TVP23A: variants seen among roughly 807,000 people sequenced by gnomAD.
TVP23A encodes trans-golgi network vesicle protein 23 homolog A.
A neutral mutation model predicts 31.7 loss-of-function variants in TVP23A; 21 were observed. That is an observed-to-expected ratio of 0.66 (90% CI 0.47 to 0.95). The LOEUF is 0.95. TVP23A is among the 40% of genes least tolerant of loss of function. The pLI is 0.00. For synonymous variants in TVP23A, 104 were observed against 96.0 expected, an observed-to-expected ratio of 1.08 and a Z score of -0.49; for missense variants, 279 against 255.6, an observed-to-expected ratio of 1.09 and a Z score of -0.62.
At chr16:10,805,348 A>T (rs2033894692) in intron 2 of TVP23A, among the ~76,000 whole-genome samples, 1 of 151,966 alleles carries the variant, frequency 6.6e-6, no homozygotes, top group African/African-American at 2.4e-5. Context: ...GATCTTTTCT[A>T]ATTTTAAATT....
chr16:10,765,932 A>G (rs2030807461), downstream of TVP23A: 1 of 152,268 alleles, frequency 6.6e-6, no homozygotes, highest in African/African-American at 2.4e-5. The surrounding 1 kb of genome is among the most constrained non-coding windows in gnomAD (Gnocchi z 4.0). Context: ...GCCAGAAAGG[A>G]AGGGGTGGTT....
At chr16:10,761,031 G>A (rs1596463322), downstream of TVP23A, 3 of 221,734 alleles carry the variant, frequency 1.4e-5, no homozygotes, top group East Asian at 3.5e-4. Context: ...TGGCAGCAGT[G>A]AGAGAGAGAG....
At chr16:10,789,970 T>C (rs1391344724) in intron 2 of TVP23A, among the ~76,000 whole-genome samples, 1 of 152,096 alleles carries the variant, frequency 6.6e-6, no homozygotes, top group Non-Finnish European at 1.5e-5. Context: ...TGGTTGACAA[T>C]TGGTTGAGTC....
chr16:10,761,886 C>G, downstream of TVP23A: 1 of 1,564,430 alleles, frequency 6.4e-7, no homozygotes, highest in South Asian at 1.1e-5. Flanking sequence ...TGGGGCGGCA[C>G]CTCACTCCTC....
At chr16:10,811,903 C>CA (rs763108313) in intron 2 of TVP23A, among the ~76,000 whole-genome samples, 1,428 of 41,740 alleles carry the variant, frequency 0.034, 26 homozygotes, top group Middle Eastern at 0.044. Flanking sequence ...GACTCCGTCT[C>CA]AAAAAAAAAA....
downstream of TVP23A, among the ~76,000 whole-genome samples, chr16:10,764,307 A>G (rs1461552449): frequency 2.0e-5 from 3 of 152,004 alleles, no homozygotes; most frequent in Non-Finnish European, 4.4e-5. Context: ...GTATTTGTCT[A>G]TTGGAGCATC....
rs112354926 is a variant in TVP23A, at chr16:10,803,557, A to C, written c.89+14546T>G. On this transcript the variant is annotated intron_variant, in intron 2 of 7. Transcript: ENST00000299866. ...AAACAGAGTCACAATCAAAATATTC[A>C]ACAACTGATATGGGATGACCACTGT... Among the ~76,000 whole-genome samples the C allele has an allele frequency of 8.9e-3, 1,358 of 152,200 alleles. 25 individuals are homozygous for C. Among genetic ancestry groups the C allele is most frequent in the African/African-American group, 0.031 (1,284 of 41,516 alleles).
At chr16:10,785,312 G>A (rs148989245) in intron 2 of TVP23A, among the ~76,000 whole-genome samples, 4,956 of 151,960 alleles carry the variant, frequency 0.033, 122 homozygotes, top group African/African-American at 0.067. Context: ...GCTGAGGCAC[G>A]AGAATCGCTT....
intron 5 of TVP23A, among the ~76,000 whole-genome samples, chr16:10,772,659 T>G (rs2031716290): frequency 6.6e-6 from 1 of 152,202 alleles, no homozygotes; most frequent in Middle Eastern, 3.4e-3. Flanking sequence ...TGTGAGGTAC[T>G]GTGCCAGCCT....
chr16:10,775,586 CTA>C, intron 2 of TVP23A: 3 of 990,740 alleles, frequency 3.0e-6, no homozygotes, highest in Non-Finnish European at 2.4e-6. Context: ...AATGGCAGGT[CTA>C]ACTCATCATA....
chr16:10,780,060 C>A (rs1036312672), intron 2 of TVP23A, among the ~76,000 whole-genome samples: 2 of 152,020 alleles, frequency 1.3e-5, no homozygotes, highest in Non-Finnish European at 2.9e-5. Flanking sequence ...TGGACTCCAG[C>A]CTGGGCGACA....
intron 2 of TVP23A, among the ~76,000 whole-genome samples, chr16:10,787,288 C>T (rs1567293461): frequency 6.6e-6 from 1 of 152,202 alleles, no homozygotes; most frequent in South Asian, 2.1e-4. Flanking sequence ...TAATGAAAAG[C>T]AGCCCCAAAA....
intron 8 of TVP23A, chr16:10,761,643 G>T: frequency 1.0e-6 from 1 of 1,000,720 alleles, no homozygotes. Flanking sequence ...AGGTGTTAAG[G>T]GTTCCACATT....
chr16:10,782,795 C>T (rs753043030), intron 2 of TVP23A, among the ~76,000 whole-genome samples: 5 of 152,186 alleles, frequency 3.3e-5, no homozygotes, highest in Non-Finnish European at 5.9e-5. Context: ...TGAGCCACTG[C>T]GCCCAGCCTG....
intron 2 of TVP23A, among the ~76,000 whole-genome samples, chr16:10,803,976 T>G (rs1389761971): frequency 6.6e-6 from 1 of 152,246 alleles, no homozygotes; most frequent in African/African-American, 2.4e-5. Flanking sequence ...TCATGATATA[T>G]GAAATCTATC....
At chr16:10,788,743 G>C (rs141719545) in intron 2 of TVP23A, among the ~76,000 whole-genome samples, 2 of 152,112 alleles carry the variant, frequency 1.3e-5, no homozygotes. Flanking sequence ...TAGTAGTAGC[G>C]GTTTAAATGA....
downstream of TVP23A, chr16:10,763,882 C>T: frequency 5.9e-6 from 1 of 168,672 alleles, no homozygotes. Flanking sequence ...GGAAGCATCT[C>T]AGCCCAAGGG....
intron 2 of TVP23A, among the ~76,000 whole-genome samples, chr16:10,788,957 A>G (rs1359910217): frequency 6.6e-6 from 1 of 152,176 alleles, no homozygotes; most frequent in Non-Finnish European, 1.5e-5. Flanking sequence ...TTTCCTCCTC[A>G]GCGGCCTCTT....
rs569991781 is a variant in TVP23A at position 10,770,307 on chromosome 16, G to T, written c.607C>A (p.Pro203Thr). 2 of 1,551,182 alleles carry T rather than the reference G, an allele frequency of 1.3e-6. No homozygotes were observed. The highest frequency in any genetic ancestry group is 1.2e-5 in the South Asian group (1 of 83,912). ...TGAATCTCCAGCCCCTCGAGGCCAG[G>T]CTTCTGAAAGTCACCTGGGCAGGCC... is the stretch of plus-strand genomic sequence containing the variant. ...QTACPGDFQK[P>T]GLEGLEIHQH is the part of the protein sequence containing the mutation. The change falls in exon 7 of 8, where the codon CCT (proline) becomes ACT (threonine). Residue 203 changes from proline to threonine, a missense_variant. Pro to Thr is a conservative substitution (Grantham distance 38). Transcript: ENST00000299866.
Sources: allele counts gnomAD v4.1 joint callset (sites outside exome capture counted in the v4.1 genomes callset), GRCh38; gene constraint gnomAD v4.1.1; non-coding constraint Gnocchi (gnomAD v3.1); transcripts MANE v1.5; gene names NCBI Gene and HGNC (gene_info 2026-07-23, HGNC 2026-07-21).